The following RIC1 variants were observed in gnomAD, a reference collection of about 807,000 sequenced individuals.
RIC1 encodes the protein RIC1 partner of RAB6A GEF complex, also known as guanine nucleotide exchange factor subunit RIC1.
A neutral mutation model predicts 169.0 loss-of-function variants in RIC1; 88 were observed. That is an observed-to-expected ratio of 0.52 (90% CI 0.44 to 0.62). RIC1 has a LOEUF of 0.62. Ranked by LOEUF, RIC1 falls within the 20% of genes least tolerant of loss-of-function variation. The probability of loss-of-function intolerance (pLI) is 0.00; values close to 1 mark genes in which losing one functional copy is unlikely to be tolerated. For missense variants in RIC1, 1,877 were observed against 1,725.5 expected (o/e 1.09, Z -1.56); for synonymous variants, 790 against 601.5 (o/e 1.31, Z -4.59).
chr9:5,655,790 C>G (rs1271849653), intron 1 of RIC1, among the ~76,000 whole-genome samples: 1 of 151,544 alleles, frequency 6.6e-6, no homozygotes, highest in Non-Finnish European at 1.5e-5. Context: ...TTTTTAATAC[C>G]TTGTTGGATT....
chr9:5,646,248 C>T (rs532988397), intron 1 of RIC1, among the ~76,000 whole-genome samples: 8 of 152,012 alleles, frequency 5.3e-5, no homozygotes, highest in Non-Finnish European at 1.0e-4. Context: ...AAGTTCTTTG[C>T]CCATTGTTTT....
At position 5,763,908 on chromosome 9, in the gene RIC1, G is replaced by A. The variant is rs373520548; in HGVS notation, c.2841+40G>A. On this transcript the variant is annotated intron_variant, in intron 19 of 25. Transcript: ENST00000414202. The surrounding 1 kb of genome is among the most constrained non-coding windows in gnomAD (Gnocchi z 5.2). Reference sequence around the variant, plus strand: ...CTTATAAAGGGGCAAGAATTAATGAGCTTAAACTTAGAAAAATAGAAATGT... The same window carrying A: ...CTTATAAAGGGGCAAGAATTAATGAACTTAAACTTAGAAAAATAGAAATGT... The A allele has an allele frequency of 3.4e-5, 53 of 1,539,862 alleles. No individual in the cohort carries two copies. Among genetic ancestry groups the A allele is most frequent in the Non-Finnish European group, 4.5e-5 (51 of 1,142,912 alleles).
chr9:5,778,110 G>A (rs934043654), downstream of RIC1, among the ~76,000 whole-genome samples: 2 of 152,086 alleles, frequency 1.3e-5, no homozygotes, highest in African/African-American at 2.4e-5. Flanking sequence ...CATTTATTGG[G>A]TTTTTAATGT....
chr9:5,748,692 A>AG (rs1825536664), intron 12 of RIC1: 1 of 152,664 alleles, frequency 6.6e-6, no homozygotes, highest in Admixed American at 6.5e-5. Context: ...CAGAGAGCCA[A>AG]GTAGAGCAGA....
chr9:5,770,540 A>C (rs1378381902), intron 23 of RIC1, among the ~76,000 whole-genome samples: 1 of 152,250 alleles, frequency 6.6e-6, no homozygotes, highest in Non-Finnish European at 1.5e-5. Context: ...GATGATAAGG[A>C]AACACTAACT....
intron 2 of RIC1, among the ~76,000 whole-genome samples, chr9:5,685,733 A>G (rs1821179002): frequency 6.6e-6 from 1 of 150,672 alleles, no homozygotes; most frequent in Non-Finnish European, 1.5e-5. Flanking sequence ...CTTCATGTCT[A>G]AAACACCAAA....
At position 5,762,627 on chromosome 9, in the gene RIC1, G is replaced by A. The variant is rs1197914479; in HGVS notation, c.2079G>A (p.Glu693=). The change falls in exon 18 of 26, where the codon GAG becomes GAA. Residue 693 remains glutamate (E), a synonymous_variant. Transcript: ENST00000414202. ...ACAGGTCAGGCCCACAGATCCGGGA[G>A]AAGGACAGTAACCCTAATAACCAAA... ...QRDRSGPQIR[E]KDSNPNNQRK... is the part of the protein sequence containing the mutation. The A allele has an allele frequency of 5.0e-6, 8 of 1,613,886 alleles. No homozygotes were observed. In the Middle Eastern group the frequency reaches 4.9e-4, roughly 100 times the overall value.
At chr9:5,634,617 GC>G (rs1218157656) in intron 1 of RIC1, among the ~76,000 whole-genome samples, 2 of 151,902 alleles carry the variant, frequency 1.3e-5, no homozygotes, top group Non-Finnish European at 2.9e-5. Flanking sequence ...TTGAATATTA[GC>G]CCCCTTTTAG....
intron 4 of RIC1, 129 bp downstream of exon 4, chr9:5,714,132 C>G (rs546383804): frequency 3.7e-6 from 2 of 537,612 alleles, no homozygotes; most frequent in East Asian, 3.1e-5. Context: ...TCTGGAAATG[C>G]TTGATTAACC....
intron 4 of RIC1, among the ~76,000 whole-genome samples, chr9:5,719,807 C>G (rs568655908): frequency 1.3e-5 from 2 of 152,286 alleles, no homozygotes; most frequent in South Asian, 4.1e-4. Context: ...ATTGTTACCT[C>G]TACACTTAAT....
intron 24 of RIC1, 38 bp downstream of exon 24, chr9:5,772,779 C>G: frequency 6.3e-7 from 1 of 1,581,258 alleles, no homozygotes; most frequent in Non-Finnish European, 8.6e-7. Context: ...AGAATGCCTA[C>G]TCAGAGTATT....
intron 2 of RIC1, among the ~76,000 whole-genome samples, chr9:5,680,971 C>T (rs953445138): frequency 5.3e-5 from 8 of 150,058 alleles, no homozygotes; most frequent in South Asian, 4.2e-4. Context: ...GGACTACAGG[C>T]GCCCGCTACC....
intron 2 of RIC1, among the ~76,000 whole-genome samples, chr9:5,674,266 A>T (rs1464979405): frequency 2.0e-5 from 3 of 152,218 alleles, no homozygotes; most frequent in Admixed American, 6.5e-5. Flanking sequence ...TTCATAAAAA[A>T]AAAATTTAAC....
intron 3 of RIC1, among the ~76,000 whole-genome samples, chr9:5,703,387 C>T (rs1822356645): frequency 6.6e-6 from 1 of 152,200 alleles, no homozygotes; most frequent in Non-Finnish European, 1.5e-5. Flanking sequence ...AGTACATTTA[C>T]AGTGTTTTGT....
intron 1 of RIC1, among the ~76,000 whole-genome samples, chr9:5,635,902 G>A (rs1817950156): frequency 6.6e-6 from 1 of 152,210 alleles, no homozygotes; most frequent in Admixed American, 6.5e-5. Flanking sequence ...TTATGGAACT[G>A]AATCTATTCA....
At chr9:5,767,946 A>G (rs908836148) in intron 21 of RIC1, among the ~76,000 whole-genome samples, 6 of 152,230 alleles carry the variant, frequency 3.9e-5, no homozygotes, top group African/African-American at 1.4e-4. Flanking sequence ...AAGCATTTAC[A>G]TACATAGGTC....
intron 2 of RIC1, among the ~76,000 whole-genome samples, chr9:5,669,664 T>G (rs770790425): frequency 3.3e-5 from 5 of 152,158 alleles, no homozygotes; most frequent in Admixed American, 6.5e-5. Context: ...AAAACTTTTT[T>G]GGGGACTATC....
intron 2 of RIC1, among the ~76,000 whole-genome samples, chr9:5,686,281 A>G (rs938280682): frequency 1.3e-5 from 2 of 152,062 alleles, no homozygotes; most frequent in Non-Finnish European, 2.9e-5. Context: ...TACTGGGTAT[A>G]TACCCAAATG....
Position 5,747,294 on chromosome 9 carries a change from T to A in RIC1, c.1249-8T>A. 6.2e-7 allele frequency: 1 copy of A among 1,611,850 alleles called. No individual in the cohort carries two copies. Among genetic ancestry groups the A allele is most frequent in the Non-Finnish European group, 8.5e-7 (1 of 1,178,260 alleles). On this transcript the variant is annotated splice_region_variant and splice_polypyrimidine_tract_variant and intron_variant, in intron 11 of 25. Coordinates refer to ENST00000414202, the MANE Select transcript of RIC1 (RefSeq NM_020829.4). ...CTTTGCCCTTTTGTTCCTCTTTCCC[T>A]CATTTAGAGTAACCAAGAGCAGGTG...
Sources: allele counts gnomAD v4.1 joint callset (sites outside exome capture counted in the v4.1 genomes callset), GRCh38; gene constraint gnomAD v4.1.1; non-coding constraint Gnocchi (gnomAD v3.1); transcripts MANE v1.5; gene names NCBI Gene and HGNC (gene_info 2026-07-23, HGNC 2026-07-21).